Variants in EPS8 observed in about 807,000 individuals in gnomAD.
The protein encoded by EPS8 is epidermal growth factor receptor kinase substrate 8.
EPS8 carries 42 observed loss-of-function variants against 103.8 expected under a neutral mutation model. The ratio of observed to expected loss-of-function variants is 0.40; its 90% CI spans 0.32 to 0.52. The LOEUF is 0.52. Among genes scored for constraint, EPS8 ranks in the 20% least tolerant of loss-of-function variants. EPS8 has a pLI of 0.40. For missense variants in EPS8, 969 were observed against 1,005.1 expected (o/e 0.96, Z 0.49); for synonymous variants, 344 against 344.6 (o/e 1.00, Z 0.02).
chr12:15,636,502 G>C (rs916504761), intron 17 of EPS8, among the ~76,000 whole-genome samples: 6 of 152,132 alleles, frequency 3.9e-5, no homozygotes, highest in African/African-American at 1.4e-4. Flanking sequence ...GGGACACCAG[G>C]TGGCAATTCA....
chr12:15,741,183 A>T (rs1247918965), intron 1 of EPS8, among the ~76,000 whole-genome samples: 1 of 152,228 alleles, frequency 6.6e-6, no homozygotes, highest in Non-Finnish European at 1.5e-5. Context: ...AATTATCTTT[A>T]AATTCTTAAT....
chr12:15,644,504 C>G (rs1945286389), intron 15 of EPS8, among the ~76,000 whole-genome samples: 1 of 152,058 alleles, frequency 6.6e-6, no homozygotes, highest in Non-Finnish European at 1.5e-5. Context: ...ACCATCCTGG[C>G]TAACACGGTG....
chr12:15,679,206 A>G (rs7305092), intron 3 of EPS8, among the ~76,000 whole-genome samples: 133,690 of 152,094 alleles, frequency 0.88, 61,238 homozygotes, highest in Non-Finnish European at 1. Flanking sequence ...TTCATCCTCA[A>G]TATTACTACC....
rs1947050342 is a variant in EPS8, at chr12:15,762,327, C to G, written c.-22+26834G>C. Reference sequence around the variant, plus strand: ...GTAGAGAAAAGGGAACCCTCATACACTGTTGGTGGCGATGTAAATTACTGC... The same window carrying G: ...GTAGAGAAAAGGGAACCCTCATACAGTGTTGGTGGCGATGTAAATTACTGC... On this transcript the variant is annotated intron_variant, in intron 1 of 20. Transcript: ENST00000281172. This position sits in a 1 kb window ranked among gnomAD's most constrained non-coding sequence, Gnocchi z 4.8. 6.6e-6 allele frequency among the ~76,000 whole-genome samples: 1 copy of G among 152,176 alleles called. No individual in the cohort carries two copies. The highest frequency in any genetic ancestry group is 2.4e-5 in the African/African-American group (1 of 41,450).
rs552402671 is a variant in EPS8, at chr12:15,772,649, C to G, written c.-22+16512G>C. Among the ~76,000 whole-genome samples the G allele has an allele frequency of 6.6e-6, 1 of 152,156 alleles. No homozygotes were observed. Among genetic ancestry groups the G allele is most frequent in the Non-Finnish European group, 1.5e-5 (1 of 68,022 alleles). ...TTCACTTAGGAAGAATTTTGGATAC[C>G]TATTCCATCCCAAGTAGCAGAGCTT... is the stretch of plus-strand genomic sequence containing the variant. On this transcript the variant is annotated intron_variant, in intron 1 of 20. Transcript: ENST00000281172. This position sits in a 1 kb window ranked among gnomAD's most constrained non-coding sequence, Gnocchi z 5.0.
At chr12:15,709,908 C>T (rs1237259735) in intron 1 of EPS8, among the ~76,000 whole-genome samples, 1 of 152,212 alleles carries the variant, frequency 6.6e-6, no homozygotes, top group Non-Finnish European at 1.5e-5. Context: ...GAACACGTAA[C>T]CTAGATCCCT....
intron 3 of EPS8, 23 bp from the exon 4 acceptor site, chr12:15,670,946 C>T: frequency 1.3e-6 from 2 of 1,588,498 alleles, no homozygotes; most frequent in South Asian, 2.2e-5. Flanking sequence ...TTGAAAAAGC[C>T]ATGATTTGTC....
chr12:15,662,249 C>T, intron 8 of EPS8, 150 bp from the exon 9 acceptor site: 1 of 1,464,508 alleles, frequency 6.8e-7, no homozygotes, highest in Non-Finnish European at 9.0e-7. Flanking sequence ...TGCTCATCAG[C>T]CATGAAATGC....
Position 15,770,517 on chromosome 12 carries a change from A to G in EPS8, c.-22+18644T>C, listed in dbSNP as rs140917747. Among the ~76,000 whole-genome samples the G allele has an allele frequency of 1.1e-3, 160 of 152,246 alleles. 2 individuals carry two copies. In the East Asian group the frequency reaches 0.026, roughly 25 times the overall value. ...TTGAAAATTGTGCTCTAATGAGGGG[A>G]AAGGATAGAAAAGAGTCAGACTGAA... On this transcript the variant is annotated intron_variant, in intron 1 of 20. Transcript: ENST00000281172.
At position 15,761,188 on chromosome 12, in the gene EPS8, C is replaced by T. The variant is rs1221548030; in HGVS notation, c.-22+27973G>A. Reference sequence around the variant, plus strand: ...AAGAAAAAAAAAGTAATCCCATTTACAACAGCCACACATAAAATTAAATAC... The same window carrying T: ...AAGAAAAAAAAAGTAATCCCATTTATAACAGCCACACATAAAATTAAATAC... On this transcript the variant is annotated intron_variant, in intron 1 of 20. Coordinates refer to ENST00000281172, the MANE Select transcript of EPS8 (RefSeq NM_004447.6). This position sits in a 1 kb window ranked among gnomAD's most constrained non-coding sequence, Gnocchi z 4.5. 6.6e-6 allele frequency among the ~76,000 whole-genome samples: 1 copy of T among 151,852 alleles called. No homozygotes were observed. The highest frequency in any genetic ancestry group is 2.4e-5 in the African/African-American group (1 of 41,370).
chr12:15,739,993 A>G lies in EPS8; in HGVS notation c.-22+49168T>C, dbSNP rs192103450. Among the ~76,000 whole-genome samples the G allele has an allele frequency of 2.2e-3, 330 of 152,180 alleles. 1 individual carries two copies. Among genetic ancestry groups the G allele is most frequent in the African/African-American group, 7.9e-3 (329 of 41,526 alleles). On this transcript the variant is annotated intron_variant, in intron 1 of 20. Transcript: ENST00000281172. ...TTTCAACTCTTACATTCTCTGACACACAGGGACTCAGGAATACAGAGAATA... is the reference window on the plus strand; with the variant it reads ...TTTCAACTCTTACATTCTCTGACACGCAGGGACTCAGGAATACAGAGAATA...
Position 15,777,082 on chromosome 12 carries a change from A to G in EPS8, c.-22+12079T>C, listed in dbSNP as rs1245467545. ...AGAGAAAAGATGAAAATAGCTAGAG[A>G]TAACAGATATAGATGGAGGAAGGAC... On this transcript the variant is annotated intron_variant, in intron 1 of 20. Coordinates refer to ENST00000281172, the MANE Select transcript of EPS8 (RefSeq NM_004447.6). This position sits in a 1 kb window ranked among gnomAD's most constrained non-coding sequence, Gnocchi z 4.7. 6.6e-6 allele frequency among the ~76,000 whole-genome samples: 1 copy of G among 152,212 alleles called. No individual in the cohort carries two copies. The highest frequency in any genetic ancestry group is 1.9e-4 in the East Asian group (1 of 5,202).
Position 15,624,487 on chromosome 12 carries a change from T to A in EPS8, c.2045-80A>T, listed in dbSNP as rs1049728680. On this transcript the variant is annotated intron_variant, in intron 18 of 20. Coordinates refer to ENST00000281172, the MANE Select transcript of EPS8 (RefSeq NM_004447.6). ...CTCTCTAGAACCCCAATCTCTATAA[T>A]CCTTGACCCCAGTAGGACCTACAGT... The A allele has an allele frequency of 9.9e-6, 11 of 1,106,704 alleles. No individual in the cohort carries two copies. In the African/African-American group the frequency reaches 1.3e-4, roughly 13 times the overall value. 68.6% of individuals were successfully genotyped at this position (1,106,704 alleles called of 1,614,324 possible).
chr12:15,688,687 C>T lies in EPS8; in HGVS notation c.-21-5715G>A, dbSNP rs1236639148. Among the ~76,000 whole-genome samples the T allele has an allele frequency of 1.3e-5, 2 of 152,114 alleles. No individual in the cohort carries two copies. The highest frequency in any genetic ancestry group is 4.8e-5 in the African/African-American group (2 of 41,416). On this transcript the variant is annotated intron_variant, in intron 1 of 20. Coordinates refer to ENST00000281172, the MANE Select transcript of EPS8 (RefSeq NM_004447.6). This position sits in a 1 kb window ranked among gnomAD's most constrained non-coding sequence, Gnocchi z 5.1. ...AGGGGAAAACCATTCTCCCTTGTGG[C>T]TCCCCCATCTGCTGAGAGCTACCTC...
chr12:15,740,393 A>T (rs1040764508), intron 1 of EPS8, among the ~76,000 whole-genome samples: 3 of 151,892 alleles, frequency 2.0e-5, no homozygotes, highest in Non-Finnish European at 2.9e-5. Flanking sequence ...AAAAATACAA[A>T]AATTAGCCAG....
rs1398654724 is a variant in EPS8 at position 15,734,298 on chromosome 12, T to C, written c.-21-51326A>G. ...GCTTCCTCCTCTTCCTTTTCTTCTA[T>C]TTGTTTGCCAGTTTATTCAGAAACA... On this transcript the variant is annotated intron_variant, in intron 1 of 20. Coordinates refer to ENST00000281172, the MANE Select transcript of EPS8 (RefSeq NM_004447.6). This position sits in a 1 kb window ranked among gnomAD's most constrained non-coding sequence, Gnocchi z 4.1. Among the ~76,000 whole-genome samples the C allele has an allele frequency of 6.6e-6, 1 of 152,246 alleles. No homozygotes were observed. Among genetic ancestry groups the C allele is most frequent in the East Asian group, 1.9e-4 (1 of 5,202 alleles).
intron 8 of EPS8, among the ~76,000 whole-genome samples, chr12:15,663,156 A>C (rs1390994751): frequency 6.6e-6 from 1 of 152,158 alleles, no homozygotes; most frequent in Non-Finnish European, 1.5e-5. Context: ...GTTGTAGTGG[A>C]CTACCACAGA....
Position 15,764,151 on chromosome 12 carries a change from AG to A in EPS8, c.-22+25009del, listed in dbSNP as rs1947069797. Among the ~76,000 whole-genome samples, 1 of 152,202 alleles carries A rather than the reference AG, an allele frequency of 6.6e-6. No homozygotes were observed. The highest frequency in any genetic ancestry group is 2.4e-5 in the African/African-American group (1 of 41,460). On this transcript the variant is annotated intron_variant, in intron 1 of 20. Transcript: ENST00000281172. This position sits in a 1 kb window ranked among gnomAD's most constrained non-coding sequence, Gnocchi z 4.1. ...GCAAAGTAACATCTTACATGGTAGC[AG>A]GCAAGAGAGCATATGCAGGGGAACT...
chr12:15,669,714 T>A lies in EPS8; in HGVS notation c.316A>T (p.Ile106Phe). ...AKGKVWTQDM[I>F]LQVDDRAVSL... ...ACAGCTCTGTCATCCACTTGAAGAA[T>A]CATATCTTGAGTCCACACTTTGCCC... Residue 106 changes from isoleucine (I) to phenylalanine (F), a missense_variant, in exon 5 of 21, where the codon ATT (isoleucine) becomes TTT (phenylalanine). Ile to Phe is a conservative substitution (Grantham distance 21). Coordinates refer to ENST00000281172, the MANE Select transcript of EPS8 (RefSeq NM_004447.6). 6.2e-7 allele frequency: 1 copy of A among 1,613,492 alleles called. No individual in the cohort carries two copies. The highest frequency in any genetic ancestry group is 8.5e-7 in the Non-Finnish European group (1 of 1,179,786).
Sources: allele counts gnomAD v4.1 joint callset (sites outside exome capture counted in the v4.1 genomes callset), GRCh38; gene constraint gnomAD v4.1.1; non-coding constraint Gnocchi (gnomAD v3.1); transcripts MANE v1.5; gene names NCBI Gene and HGNC (gene_info 2026-07-23, HGNC 2026-07-21).